The following SYNPO2 variants were observed in gnomAD, a reference collection of about 807,000 sequenced individuals.
SYNPO2 encodes the protein synaptopodin-2.
In SYNPO2, 56 loss-of-function variants were observed where a neutral mutation model predicts 85.0. The ratio of observed to expected loss-of-function variants is 0.66; its 90% CI spans 0.53 to 0.82. SYNPO2 has a LOEUF of 0.82. Among genes scored for constraint, SYNPO2 ranks in the 40% least tolerant of loss-of-function variants. The pLI is 0.00. For synonymous variants in SYNPO2, 602 were observed against 591.1 expected (o/e 1.02, Z -0.27); for missense variants, 1,575 against 1,534.2 (o/e 1.03, Z -0.44).
intron 4 of SYNPO2, among the ~76,000 whole-genome samples, chr4:119,047,936 C>T (rs1270068109): frequency 6.6e-6 from 1 of 152,210 alleles, no homozygotes; most frequent in African/African-American, 2.4e-5. Flanking sequence ...TAACTAATTC[C>T]AATCTCTTTT....
chr4:119,059,097 T>C lies in SYNPO2; in HGVS notation c.*1163T>C, dbSNP rs922407025. 9 of 152,230 alleles carry C rather than the reference T, an allele frequency of 5.9e-5. No homozygotes were observed. The highest frequency in any genetic ancestry group is 1.0e-4 in the Non-Finnish European group (7 of 68,042). The allele number at this position is 152,230 out of a possible 1,614,324, so 9.4% of individuals were successfully genotyped here. A position where few individuals can be genotyped will look rare whatever the true frequency, so the allele number is the denominator to read the frequency against. On this transcript the variant is annotated 3_prime_UTR_variant, in exon 5 of 5. Transcript: ENST00000307142. ...CTGATGCATTGTTTATTTTTTTTGC[T>C]CATAATATAAATATCAGATTATGTT...
At chr4:118,945,256 G>T (rs1035854677) in intron 1 of SYNPO2, among the ~76,000 whole-genome samples, 3 of 152,112 alleles carry the variant, frequency 2.0e-5, no homozygotes, top group Non-Finnish European at 4.4e-5. Flanking sequence ...TTTAAAAAAT[G>T]TACAAAGAAC....
chr4:119,040,259 T>C (rs1738665997), intron 4 of SYNPO2, among the ~76,000 whole-genome samples: 1 of 152,254 alleles, frequency 6.6e-6, no homozygotes, highest in African/African-American at 2.4e-5. Context: ...TTGTGTTCTC[T>C]GTTAATATGA....
At chr4:119,036,922 A>G (rs550312034) in intron 4 of SYNPO2, 275 of 1,198,940 alleles carry the variant, frequency 2.3e-4, no homozygotes, top group Non-Finnish European at 2.7e-4. Context: ...AATAAAGTGC[A>G]TCCCAAGTAT....
At chr4:118,977,467 C>T (rs981758113) in intron 1 of SYNPO2, among the ~76,000 whole-genome samples, 14 of 152,228 alleles carry the variant, frequency 9.2e-5, no homozygotes, top group East Asian at 5.8e-4. Flanking sequence ...GAGTGGGCTC[C>T]GGCCTTGGAC....
chr4:118,994,080 G>A (rs1736503617), intron 1 of SYNPO2, among the ~76,000 whole-genome samples: 1 of 152,100 alleles, frequency 6.6e-6, no homozygotes, highest in Non-Finnish European at 1.5e-5. Flanking sequence ...CACCATATTA[G>A]GCCACACTCT....
chr4:119,019,698 C>G (rs1305544331), intron 1 of SYNPO2, among the ~76,000 whole-genome samples: 1 of 152,062 alleles, frequency 6.6e-6, no homozygotes, highest in Non-Finnish European at 1.5e-5. Context: ...TTATTAGCAC[C>G]ATTTTACACT....
intron 1 of SYNPO2, among the ~76,000 whole-genome samples, chr4:118,900,722 T>C (rs1732717921): frequency 7.9e-6 from 1 of 126,184 alleles, no homozygotes; most frequent in African/African-American, 3.0e-5. Context: ...TATATATATA[T>C]ATATATATAT....
At chr4:118,918,554 A>G (rs1733432658) in intron 1 of SYNPO2, among the ~76,000 whole-genome samples, 1 of 152,196 alleles carries the variant, frequency 6.6e-6, no homozygotes, top group African/African-American at 2.4e-5. Context: ...GCAAACTGGG[A>G]ATAGTTCTCC....
intron 1 of SYNPO2, among the ~76,000 whole-genome samples, chr4:119,018,590 G>A (rs1241011045): frequency 6.6e-6 from 1 of 152,034 alleles, no homozygotes; most frequent in Non-Finnish European, 1.5e-5. Flanking sequence ...CCACATCCTT[G>A]CCAGCATTCA....
At chr4:118,935,083 C>T (rs1420438378) in intron 1 of SYNPO2, among the ~76,000 whole-genome samples, 3 of 152,016 alleles carry the variant, frequency 2.0e-5, no homozygotes, top group African/African-American at 7.2e-5. Context: ...TTTAGAATAC[C>T]CTCACTATTT....
intron 1 of SYNPO2, among the ~76,000 whole-genome samples, chr4:118,926,053 AG>A (rs1322565572): frequency 6.6e-6 from 1 of 152,170 alleles, no homozygotes; most frequent in Non-Finnish European, 1.5e-5. Context: ...GCAGATGAGT[AG>A]GAGAAATATG....
intron 1 of SYNPO2, among the ~76,000 whole-genome samples, chr4:118,964,722 G>T (rs370091862): frequency 1.3e-5 from 2 of 151,798 alleles, no homozygotes. Context: ...GAAAGTTTAC[G>T]GTAAAGCCAT....
intron 4 of SYNPO2, chr4:119,037,437 A>G (rs533629303): frequency 1.8e-6 from 2 of 1,127,568 alleles, no homozygotes; most frequent in African/African-American, 1.6e-5. Context: ...TCTTGGAAGT[A>G]AATAACAAAA....
chr4:118,903,519 A>G (rs1338357374), intron 1 of SYNPO2, among the ~76,000 whole-genome samples: 1 of 152,208 alleles, frequency 6.6e-6, no homozygotes, highest in East Asian at 1.9e-4. Flanking sequence ...GCCAGATGGA[A>G]CAACTTGCGA....
chr4:118,955,266 C>T (rs982004931), intron 1 of SYNPO2, among the ~76,000 whole-genome samples: 3 of 152,146 alleles, frequency 2.0e-5, no homozygotes, highest in African/African-American at 7.2e-5. Flanking sequence ...TCCCAAAGTG[C>T]TGGGATCACA....
chr4:118,943,584 T>G (rs1469798219), intron 1 of SYNPO2, among the ~76,000 whole-genome samples: 1 of 152,236 alleles, frequency 6.6e-6, no homozygotes, highest in African/African-American at 2.4e-5. Context: ...GTCATATCTT[T>G]TTGGAACTGT....
At chr4:119,003,459 T>C (rs1736897544) in intron 1 of SYNPO2, among the ~76,000 whole-genome samples, 1 of 152,188 alleles carries the variant, frequency 6.6e-6, no homozygotes, top group Non-Finnish European at 1.5e-5. Flanking sequence ...CTATTCAAAC[T>C]TGTTAGGTTT....
intron 1 of SYNPO2, among the ~76,000 whole-genome samples, chr4:118,950,062 A>G (rs540186427): frequency 5.3e-4 from 80 of 151,536 alleles, no homozygotes; most frequent in Non-Finnish European, 4.4e-5. Flanking sequence ...AGTTTGAAAA[A>G]GATGACATTC....
Sources: gnomAD v4.1 joint callset for allele counts (sites outside exome capture counted in the v4.1 genomes callset) on GRCh38, gnomAD v4.1.1 for gene constraint, MANE v1.5 for transcripts, NCBI Gene and HGNC (gene_info 2026-07-23, HGNC 2026-07-21) for gene names.